Variants in SLC36A1 observed in about 807,000 individuals in gnomAD.
SLC36A1 encodes solute carrier family 36 member 1, also known as proton-coupled amino acid transporter 1.
SLC36A1 carries 30 observed loss-of-function variants against 47.5 expected under a neutral mutation model. The ratio of observed to expected loss-of-function variants is 0.63; its 90% confidence interval spans 0.47 to 0.86. The LOEUF (loss-of-function observed/expected upper bound fraction) is 0.86, where lower values mean the gene tolerates loss of function less well. Among genes scored for constraint, SLC36A1 ranks in the 40% least tolerant of loss-of-function variants. SLC36A1 has a pLI of 0.00. For synonymous variants in SLC36A1, 255 were observed against 249.7 expected (o/e 1.02, Z -0.20); for missense variants, 517 against 606.0 (o/e 0.85, Z 1.54).
the SLC36A1 span, among the ~76,000 whole-genome samples, chr5:151,534,983 ATATATATATATATG>A: frequency 7.1e-6 from 1 of 140,858 alleles, no homozygotes; most frequent in Non-Finnish European, 1.6e-5. Context: ...ATATATATAT[ATATATATATATATG>A]TATACATTTT....
At chr5:151,510,463 A>AG in the SLC36A1 span, 1 of 265,446 alleles carries the variant, frequency 3.8e-6, no homozygotes, top group East Asian at 7.2e-5. Flanking sequence ...CACTGTTCCA[A>AG]GGATCTTCCT....
chr5:151,360,937 C>T, the SLC36A1 span, among the ~76,000 whole-genome samples: 2 of 152,178 alleles, frequency 1.3e-5, no homozygotes, highest in African/African-American at 4.8e-5. Context: ...CCTTCACTCC[C>T]CATCTTTTTT....
chr5:151,458,616 A>C (rs953738202), intron 1 of SLC36A1, among the ~76,000 whole-genome samples, 172 bp from the exon 2 acceptor site: 6 of 152,102 alleles, frequency 3.9e-5, no homozygotes, highest in Admixed American at 3.9e-4. Flanking sequence ...GCCTCTGTGT[A>C]CTTTGCACTT....
At chr5:151,425,918 A>G in the SLC36A1 span, among the ~76,000 whole-genome samples, 2 of 151,970 alleles carry the variant, frequency 1.3e-5, no homozygotes, top group Non-Finnish European at 2.9e-5. Flanking sequence ...AATCACTGTT[A>G]ATAGTTTCTC....
At chr5:151,391,016 A>G in the SLC36A1 span, among the ~76,000 whole-genome samples, 2 of 152,108 alleles carry the variant, frequency 1.3e-5, no homozygotes, top group Non-Finnish European at 2.9e-5. Flanking sequence ...CCATTTTCAC[A>G]ATATTGATTC....
the SLC36A1 span, among the ~76,000 whole-genome samples, chr5:151,349,405 C>T: frequency 2.0e-5 from 3 of 152,064 alleles, no homozygotes; most frequent in Admixed American, 2.0e-4. Flanking sequence ...TGGGGATGTC[C>T]AAAATAAGCC....
intron 1 of SLC36A1, among the ~76,000 whole-genome samples, chr5:151,456,437 T>C (rs1754515775): frequency 6.6e-6 from 1 of 152,256 alleles, no homozygotes; most frequent in Non-Finnish European, 1.5e-5. Flanking sequence ...CTAAGCAAAC[T>C]GTTGACAGAG....
chr5:151,405,343 CT>C, the SLC36A1 span, among the ~76,000 whole-genome samples: 2,986 of 85,262 alleles, frequency 0.035, 49 homozygotes, highest in African/African-American at 0.13. Context: ...CTCTCTTTCT[CT>C]TTTTTTTTTT....
the SLC36A1 span, among the ~76,000 whole-genome samples, chr5:151,531,213 C>T: frequency 6.6e-6 from 1 of 152,112 alleles, no homozygotes; most frequent in Non-Finnish European, 1.5e-5. The surrounding 1 kb of genome is among the most constrained non-coding windows in gnomAD (Gnocchi z 5.7). Context: ...TCCAGGGTTG[C>T]TTAAGCCCCA....
the SLC36A1 span, chr5:151,527,255 G>A: frequency 2.0e-5 from 33 of 1,611,880 alleles, no homozygotes; most frequent in Non-Finnish European, 2.8e-5. Context: ...TGCTGTAGTT[G>A]AGCTGGAAGA....
the SLC36A1 span, chr5:151,505,372 C>T: frequency 1.5e-6 from 1 of 663,952 alleles, no homozygotes; most frequent in South Asian, 2.0e-5. Flanking sequence ...TTCTGGAGCT[C>T]TATCCTCAGC....
At chr5:151,546,153 G>T in the SLC36A1 span, 1 of 1,614,124 alleles carries the variant, frequency 6.2e-7, no homozygotes, top group South Asian at 1.1e-5. Flanking sequence ...TTGAAAAGAT[G>T]GGGGCACTCC....
Position 151,471,729 on chromosome 5 carries a change from C to T in SLC36A1, c.724-1944C>T, listed in dbSNP as rs188756798. 2.6e-5 allele frequency among the ~76,000 whole-genome samples: 4 copies of T among 152,200 alleles called. No individual in the cohort carries two copies. The East Asian group carries it at 7.7e-4, about 29-fold the overall frequency. Reference sequence around the variant, plus strand: ...TTTAATTTTTTTATTTTTTCAAAAGCAATATTACTGCTTTGAAATCTTTCA... The same window carrying T: ...TTTAATTTTTTTATTTTTTCAAAAGTAATATTACTGCTTTGAAATCTTTCA... On this transcript the variant is annotated intron_variant, in intron 7 of 10. Coordinates refer to ENST00000243389, the MANE Select transcript of SLC36A1 (RefSeq NM_078483.4).
At chr5:151,502,092 A>G in the SLC36A1 span, among the ~76,000 whole-genome samples, 6 of 148,064 alleles carry the variant, frequency 4.1e-5, 2 homozygotes, top group African/African-American at 1.6e-4. Flanking sequence ...CGGGTGGATC[A>G]CCTGAGGTCA....
intron 7 of SLC36A1, among the ~76,000 whole-genome samples, chr5:151,472,666 G>T (rs1420988784): frequency 6.6e-6 from 1 of 152,088 alleles, no homozygotes; most frequent in Non-Finnish European, 1.5e-5. Flanking sequence ...TCATTGATGA[G>T]AATTTTAAAA....
Position 151,465,131 on chromosome 5 carries a change from C to T in SLC36A1, c.381C>T (p.Ser127=). ...CTGTGATGTATGGACTAGAATCCAG[C>T]CCCTGCTCCTGGCTCCGGAACCACG... ...GDTVMYGLES[S]PCSWLRNHAH... The change falls in exon 5 of 11, where the codon AGC becomes AGT. Residue 127 remains serine, a synonymous_variant. Coordinates refer to ENST00000243389, the MANE Select transcript of SLC36A1 (RefSeq NM_078483.4). 6.2e-7 allele frequency: 1 copy of T among 1,614,170 alleles called. No individual in the cohort carries two copies. Among genetic ancestry groups the T allele is most frequent in the South Asian group, 1.1e-5 (1 of 91,078 alleles).
chr5:151,354,265 C>T, the SLC36A1 span, among the ~76,000 whole-genome samples: 2 of 152,220 alleles, frequency 1.3e-5, no homozygotes, highest in South Asian at 4.1e-4. Context: ...GATCGCACCA[C>T]TGCACTCCAG....
At chr5:151,506,543 G>C in the SLC36A1 span, among the ~76,000 whole-genome samples, 1 of 152,204 alleles carries the variant, frequency 6.6e-6, no homozygotes, top group South Asian at 2.1e-4. Context: ...CAGGAGACCA[G>C]GAGCCCTTGG....
At chr5:151,389,749 T>C in the SLC36A1 span, among the ~76,000 whole-genome samples, 1 of 152,036 alleles carries the variant, frequency 6.6e-6, no homozygotes, top group South Asian at 2.1e-4. Context: ...CATCCTTTTT[T>C]ATGGCTGCAT....
Sources: allele counts gnomAD v4.1 joint callset (sites outside exome capture counted in the v4.1 genomes callset), GRCh38; gene constraint gnomAD v4.1.1; non-coding constraint Gnocchi (gnomAD v3.1); transcripts MANE v1.5; gene names NCBI Gene and HGNC (gene_info 2026-07-23, HGNC 2026-07-21).